Variants in KHDRBS2 observed in about 807,000 individuals in gnomAD.
KHDRBS2 encodes KH domain-containing, RNA-binding, signal transduction-associated protein 2.
A neutral mutation model predicts 44.3 loss-of-function variants in KHDRBS2; 26 were observed. That is an observed-to-expected ratio of 0.59 (90% CI 0.43 to 0.81). The LOEUF is 0.81. Ranked by LOEUF, KHDRBS2 falls within the 40% of genes least tolerant of loss-of-function variation. The pLI is 0.00. For synonymous variants in KHDRBS2, 194 were observed against 151.1 expected, an observed-to-expected ratio of 1.28 and a Z score of -2.08; for missense variants, 476 against 433.1, an observed-to-expected ratio of 1.10 and a Z score of -0.88.
intron 4 of KHDRBS2, among the ~76,000 whole-genome samples, chr6:61,968,004 CT>C (rs1407164772): frequency 3.3e-5 from 5 of 149,756 alleles, no homozygotes; most frequent in South Asian, 2.1e-4. Flanking sequence ...AATATACCCC[CT>C]CTCTCTGCAC....
intron 2 of KHDRBS2, among the ~76,000 whole-genome samples, chr6:62,091,358 T>C (rs1340648525): frequency 2.0e-5 from 3 of 152,180 alleles, no homozygotes; most frequent in Non-Finnish European, 4.4e-5. Flanking sequence ...AATATCAACC[T>C]GTATTTAATT....
chr6:61,783,200 T>C (rs1215384945), intron 6 of KHDRBS2, among the ~76,000 whole-genome samples: 1 of 152,088 alleles, frequency 6.6e-6, no homozygotes, highest in African/African-American at 2.4e-5. Flanking sequence ...TATATATAAT[T>C]TATTTGTAAT....
intron 6 of KHDRBS2, among the ~76,000 whole-genome samples, chr6:61,782,642 C>A: frequency 7.1e-6 from 1 of 140,380 alleles, no homozygotes; most frequent in Non-Finnish European, 1.5e-5. Flanking sequence ...ATTTTAATAG[C>A]ATATAACAAT....
At chr6:62,251,447 T>G (rs1585426432) in intron 1 of KHDRBS2, among the ~76,000 whole-genome samples, 1 of 152,054 alleles carries the variant, frequency 6.6e-6, no homozygotes, top group East Asian at 1.9e-4. Flanking sequence ...TATTTTAGAA[T>G]AAAATATTTG....
chr6:61,921,226 T>C (rs1808003621), intron 4 of KHDRBS2, among the ~76,000 whole-genome samples: 1 of 151,986 alleles, frequency 6.6e-6, no homozygotes. Flanking sequence ...TGTCAAAACA[T>C]TTTAAATGCT....
intron 4 of KHDRBS2, among the ~76,000 whole-genome samples, chr6:61,935,028 T>G (rs1042318970): frequency 1.3e-5 from 2 of 152,192 alleles, no homozygotes; most frequent in Non-Finnish European, 2.9e-5. Flanking sequence ...GTGCTCTGAA[T>G]TTTTAGAGTT....
the KHDRBS2 span, among the ~76,000 whole-genome samples, chr6:61,610,188 T>A: frequency 5.6e-3 from 630 of 112,976 alleles, 5 homozygotes; most frequent in African/African-American, 0.018. Flanking sequence ...TATATATATT[T>A]AAAAAAAAAA....
At position 61,680,999 on chromosome 6, in the gene KHDRBS2, T is replaced by A; in HGVS notation, c.1014A>T (p.Arg338Ser). The A allele has an allele frequency of 6.2e-7, 1 of 1,611,802 alleles. No individual in the cohort carries two copies. The highest frequency in any genetic ancestry group is 8.5e-7 in the Non-Finnish European group (1 of 1,178,588). ...SLKAPPQRSA[R>S]GGYREHPYGR... ...CATAGGGGTGTTCCCTGTATCCCCC[T>A]CTGGCTGACCTTTGCGGTGGTGCCT... Residue 338 changes from arginine (R) to serine (S), a missense_variant, in exon 9 of 9, where the codon AGA becomes AGT. Physicochemically the swap from Arg to Ser is moderately radical, Grantham distance 110. Coordinates refer to ENST00000281156, the MANE Select transcript of KHDRBS2 (RefSeq NM_152688.4).
intron 6 of KHDRBS2, among the ~76,000 whole-genome samples, chr6:61,848,498 T>C (rs865801846): frequency 0.039 from 2,423 of 62,120 alleles, 103 homozygotes; most frequent in Non-Finnish European, 0.054. Flanking sequence ...TATGTATATA[T>C]ATATATATAT....
chr6:61,949,829 C>CA (rs1177459063), intron 4 of KHDRBS2, among the ~76,000 whole-genome samples: 1 of 151,844 alleles, frequency 6.6e-6, no homozygotes, highest in Admixed American at 6.6e-5. Context: ...TTCCTAAAAA[C>CA]AAAAACATCC....
At chr6:62,023,646 T>C (rs1431120371) in intron 3 of KHDRBS2, among the ~76,000 whole-genome samples, 1 of 151,504 alleles carries the variant, frequency 6.6e-6, no homozygotes, top group East Asian at 1.9e-4. Flanking sequence ...AATACATTAA[T>C]TACTAATATA....
At chr6:62,148,441 T>C (rs1319527719) in intron 2 of KHDRBS2, among the ~76,000 whole-genome samples, 1 of 151,852 alleles carries the variant, frequency 6.6e-6, no homozygotes, top group African/African-American at 2.4e-5. Context: ...TAGAGTACAA[T>C]ATGGTAAGCA....
intron 2 of KHDRBS2, among the ~76,000 whole-genome samples, chr6:62,154,799 A>G (rs1466620767): frequency 1.3e-5 from 2 of 152,298 alleles, no homozygotes; most frequent in Non-Finnish European, 1.5e-5. Flanking sequence ...TGGTTACACA[A>G]TGACACCAAA....
At chr6:62,136,571 T>C (rs1283575732) in intron 2 of KHDRBS2, among the ~76,000 whole-genome samples, 8 of 152,252 alleles carry the variant, frequency 5.3e-5, no homozygotes, top group African/African-American at 1.4e-4. Context: ...CTTTAGATGA[T>C]AGGTTTCGTT....
At chr6:61,817,395 A>G (rs1486797230) in intron 6 of KHDRBS2, among the ~76,000 whole-genome samples, 1 of 152,110 alleles carries the variant, frequency 6.6e-6, no homozygotes, top group Non-Finnish European at 1.5e-5. Flanking sequence ...TTGCTGTACC[A>G]TAGAAGAATG....
At chr6:61,580,577 T>A in the KHDRBS2 span, among the ~76,000 whole-genome samples, 1 of 152,122 alleles carries the variant, frequency 6.6e-6, no homozygotes, top group African/African-American at 2.4e-5. Flanking sequence ...GCTGTAATAC[T>A]CAGGGTGAGA....
intron 7 of KHDRBS2, among the ~76,000 whole-genome samples, chr6:61,713,173 A>C (rs1302903291): frequency 5.9e-5 from 9 of 151,700 alleles, no homozygotes; most frequent in Non-Finnish European, 1.2e-4. Flanking sequence ...AATATGAAAC[A>C]TCTGGTGTAC....
intron 1 of KHDRBS2, among the ~76,000 whole-genome samples, chr6:62,278,512 C>G (rs977394280): frequency 2.0e-5 from 3 of 152,092 alleles, no homozygotes; most frequent in Non-Finnish European, 4.4e-5. Flanking sequence ...CGTGGTCATG[C>G]TCATTCCTAT....
intron 1 of KHDRBS2, among the ~76,000 whole-genome samples, chr6:62,185,174 G>T (rs1823172958): frequency 6.6e-6 from 1 of 151,798 alleles, no homozygotes; most frequent in South Asian, 2.1e-4. Flanking sequence ...CCTCACATTT[G>T]TCTCCCTGTA....
Sources: gnomAD v4.1 joint callset for allele counts (sites outside exome capture counted in the v4.1 genomes callset) on GRCh38, gnomAD v4.1.1 for gene constraint, MANE v1.5 for transcripts, NCBI Gene and HGNC (gene_info 2026-07-23, HGNC 2026-07-21) for gene names.